SYTL5: variants seen among roughly 807,000 people sequenced by gnomAD.
SYTL5 encodes the protein synaptotagmin like 5.
Under a neutral mutation model 55.9 loss-of-function variants are expected in SYTL5, and 34 were observed. The observed-to-expected ratio is 0.61, with a 90% CI of 0.46 to 0.81. SYTL5 has a LOEUF of 0.81. SYTL5 is among the 30% of genes least tolerant of loss of function. The pLI is 0.00. For missense variants in SYTL5, 637 were observed against 546.7 expected (o/e 1.17, Z -1.65); for synonymous variants, 221 against 188.7 (o/e 1.17, Z -1.40).
At chrX:38,081,379 T>C (rs1280132060) in intron 6 of SYTL5, among the ~76,000 whole-genome samples, 1 of 111,407 alleles carries the variant, frequency 9.0e-6, no homozygotes, top group Non-Finnish European at 1.9e-5. Context: ...TATTTTGTTA[T>C]GCTGTGACCT....
chrX:37,902,647 A>G, the SYTL5 span, among the ~76,000 whole-genome samples: 1 of 111,466 alleles, frequency 9.0e-6, no homozygotes, highest in Non-Finnish European at 1.9e-5. Context: ...AGGTATTTAT[A>G]TTTATGTTTC....
chrX:37,932,770 T>C, the SYTL5 span, among the ~76,000 whole-genome samples: 3 of 112,143 alleles, frequency 2.7e-5, no homozygotes, highest in East Asian at 2.8e-4. Context: ...CTGGTTCAGA[T>C]TGTATGAGCT....
intron 2 of SYTL5, among the ~76,000 whole-genome samples, chrX:38,037,496 C>A (rs749080522): frequency 8.9e-6 from 1 of 111,834 alleles, no homozygotes; most frequent in Non-Finnish European, 1.9e-5. Flanking sequence ...GCAAGGTGAG[C>A]ATTAAAATAA....
At position 38,037,788 on chromosome X, in the gene SYTL5, T is replaced by TGATAGATAGATAGATA. The variant is rs3067489; in HGVS notation, c.119+3813_119+3828dup. On this transcript the variant is annotated intron_variant, in intron 2 of 16. Coordinates refer to ENST00000297875, the MANE Select transcript of SYTL5 (RefSeq NM_138780.3). ...CAATTAAATTCTGCAAACATTTTTC[T>TGATAGATAGATAGATA]GATAGATAGATAGATAGATAGATAG... Among the ~76,000 whole-genome samples, 189 of 82,445 alleles carry TGATAGATAGATAGATA rather than the reference T, an allele frequency of 2.3e-3. 1 individual carries two copies. The highest frequency in any genetic ancestry group is 3.0e-3 in the Admixed American group (23 of 7,791). The allele number at this position is 82,445 out of a possible 115,157, so 71.6% of individuals were successfully genotyped here. A position where few individuals can be genotyped will look rare whatever the true frequency, so the allele number is the denominator to read the frequency against.
chrX:38,050,273 G>A (rs1354324773), intron 2 of SYTL5, among the ~76,000 whole-genome samples: 3 of 112,017 alleles, frequency 2.7e-5, no homozygotes, highest in Admixed American at 9.5e-5. Flanking sequence ...ACACAAATGT[G>A]ACAAGAATTT....
chrX:38,006,732 G>A (rs1934000298), intron 1 of SYTL5, 64 bp downstream of exon 1: 1 of 111,378 alleles, frequency 9.0e-6, no homozygotes, highest in Non-Finnish European at 1.9e-5. Flanking sequence ...TGTATTTTGT[G>A]TGTGGTAGGG....
the SYTL5 span, among the ~76,000 whole-genome samples, chrX:37,931,425 A>G: frequency 8.9e-6 from 1 of 111,854 alleles, no homozygotes; most frequent in Non-Finnish European, 1.9e-5. Context: ...AAGTTTTGTG[A>G]AAATATCTTA....
the SYTL5 span, among the ~76,000 whole-genome samples, chrX:37,951,047 TA>T: frequency 0.37 from 38,091 of 101,590 alleles, 5,236 homozygotes; most frequent in East Asian, 0.61. Flanking sequence ...TTACGAGGAA[TA>T]AAAAAAAAAA....
intron 1 of SYTL5, among the ~76,000 whole-genome samples, chrX:38,026,657 G>A (rs1383630947): frequency 8.9e-6 from 1 of 112,007 alleles, no homozygotes; most frequent in East Asian, 2.8e-4. Flanking sequence ...ATCATACAGG[G>A]TAACTTTCTA....
At chrX:37,905,375 G>A in the SYTL5 span, among the ~76,000 whole-genome samples, 13 of 99,174 alleles carry the variant, frequency 1.3e-4, no homozygotes, top group East Asian at 2.6e-3. Context: ...ACTGTGGGAG[G>A]TTTGGGCATA....
intron 2 of SYTL5, among the ~76,000 whole-genome samples, chrX:38,048,448 C>T (rs138485944): frequency 0.01 from 1,122 of 107,178 alleles, 10 homozygotes; most frequent in Middle Eastern, 0.047. Context: ...CAGCAGTGTC[C>T]TATTCTACTG....
chrX:38,120,322 CA>C, intron 13 of SYTL5, 35 bp from the exon 14 acceptor site: 1 of 1,008,564 alleles, frequency 9.9e-7, no homozygotes, highest in South Asian at 1.9e-5. Flanking sequence ...GCCAATCATC[CA>C]TACTCTTTCA....
At chrX:38,053,526 G>A (rs1036335593) in intron 2 of SYTL5, among the ~76,000 whole-genome samples, 21 of 112,300 alleles carry the variant, frequency 1.9e-4, no homozygotes, top group East Asian at 1.4e-3. Context: ...AGAAATTGTT[G>A]GAAACTTTCA....
the SYTL5 span, among the ~76,000 whole-genome samples, chrX:37,937,325 C>T: frequency 1.8e-5 from 2 of 110,857 alleles, no homozygotes; most frequent in Non-Finnish European, 3.8e-5. Flanking sequence ...AGAGGGCAGA[C>T]GGGAATGTCA....
At chrX:37,997,409 G>A in the SYTL5 span, among the ~76,000 whole-genome samples, 4,931 of 112,318 alleles carry the variant, frequency 0.044, 186 homozygotes, top group African/African-American at 0.12. Flanking sequence ...TCCAAATCGC[G>A]GCTGCAGACC....
the SYTL5 span, among the ~76,000 whole-genome samples, chrX:37,998,174 C>T: frequency 8.9e-6 from 1 of 112,601 alleles, no homozygotes; most frequent in Non-Finnish European, 1.9e-5. Context: ...TCTCACCCTC[C>T]ACTTGTTGGT....
chrX:37,890,018 A>G, the SYTL5 span, among the ~76,000 whole-genome samples: 1 of 111,875 alleles, frequency 8.9e-6, no homozygotes, highest in Non-Finnish European at 1.9e-5. Context: ...AAAAGCTGAT[A>G]GAGCCAGTGC....
At chrX:38,081,760 G>C (rs1169310191) in intron 6 of SYTL5, among the ~76,000 whole-genome samples, 1 of 111,798 alleles carries the variant, frequency 8.9e-6, no homozygotes, top group Admixed American at 9.5e-5. Context: ...AAGAGATAGG[G>C]AATCTGGGGT....
intron 7 of SYTL5, among the ~76,000 whole-genome samples, chrX:38,093,614 A>G (rs1280361392): frequency 9.0e-6 from 1 of 111,551 alleles, no homozygotes; most frequent in Non-Finnish European, 1.9e-5. Context: ...CATATGTTAC[A>G]ATAAATGCAA....
Sources: gnomAD v4.1 joint callset for allele counts (sites outside exome capture counted in the v4.1 genomes callset) on GRCh38, gnomAD v4.1.1 for gene constraint, MANE v1.5 for transcripts, NCBI Gene and HGNC (gene_info 2026-07-23, HGNC 2026-07-21) for gene names.